GTF2E2: variants seen among roughly 807,000 people sequenced by gnomAD.
GTF2E2 encodes the protein transcription initiation factor IIE subunit beta.
GTF2E2 carries 21 observed loss-of-function variants against 40.5 expected under a neutral mutation model. That is an observed-to-expected ratio of 0.52 (90% confidence interval 0.37 to 0.75). The LOEUF is 0.75. Among genes scored for constraint, GTF2E2 ranks in the 30% least tolerant of loss-of-function variants. GTF2E2 has a pLI of 0.00. For missense variants in GTF2E2, 298 were observed against 338.4 expected (o/e 0.88, Z 0.94); for synonymous variants, 117 against 121.6 (o/e 0.96, Z 0.25).
At chr8:30,609,906 T>C (rs1346876558) in intron 5 of GTF2E2, among the ~76,000 whole-genome samples, 1 of 152,178 alleles carries the variant, frequency 6.6e-6, no homozygotes, top group Non-Finnish European at 1.5e-5. Flanking sequence ...CTGTTTCCCC[T>C]TCACCTTCTG....
chr8:30,633,719 T>G (rs1303662624), intron 3 of GTF2E2, among the ~76,000 whole-genome samples: 1 of 152,132 alleles, frequency 6.6e-6, no homozygotes, highest in Non-Finnish European at 1.5e-5. Context: ...AGGGTGGCAT[T>G]TTTTTCTGGG....
chr8:30,607,701 G>A (rs1291819247), intron 5 of GTF2E2, among the ~76,000 whole-genome samples: 3 of 152,064 alleles, frequency 2.0e-5, no homozygotes, highest in Admixed American at 2.0e-4. Context: ...CACTTAAAAC[G>A]GAAAATTCAA....
chr8:30,655,839 G>C (rs1306013221), intron 1 of GTF2E2, among the ~76,000 whole-genome samples: 1 of 151,158 alleles, frequency 6.6e-6, no homozygotes, highest in Non-Finnish European at 1.5e-5. Flanking sequence ...ACAGAGTCTC[G>C]CTCTGCCGCC....
chr8:30,622,419 C>T (rs1801133540), intron 3 of GTF2E2, among the ~76,000 whole-genome samples: 1 of 140,694 alleles, frequency 7.1e-6, no homozygotes, highest in Non-Finnish European at 1.6e-5. Context: ...TCACAGAGAT[C>T]ATGTGCTTCA....
rs562561958 is a variant in GTF2E2, at chr8:30,592,322, G to T, written c.644-11926C>A. On this transcript the variant is annotated intron_variant, in intron 6 of 7. Transcript: ENST00000355904. ...TGTGCCCAGGGAGGTCAAGGCTGCA[G>T]TGAGCTGTGATCATGCCACTGCACT... 2.4e-3 allele frequency among the ~76,000 whole-genome samples: 370 copies of T among 152,296 alleles called. 1 individual carries two copies. The highest frequency in any genetic ancestry group is 3.9e-3 in the Admixed American group (60 of 15,296).
chr8:30,633,658 CA>C (rs1801504020), intron 3 of GTF2E2, among the ~76,000 whole-genome samples: 1 of 152,114 alleles, frequency 6.6e-6, no homozygotes, highest in Non-Finnish European at 1.5e-5. Context: ...AACAGAGTAG[CA>C]AAAACATGAC....
chr8:30,601,220 T>C (rs992324574), intron 6 of GTF2E2, among the ~76,000 whole-genome samples: 1 of 152,196 alleles, frequency 6.6e-6, no homozygotes, highest in Non-Finnish European at 1.5e-5. Flanking sequence ...CTATGCTTCC[T>C]ATGCCATTCT....
chr8:30,620,286 A>G (rs893158490), intron 3 of GTF2E2, among the ~76,000 whole-genome samples: 1 of 151,904 alleles, frequency 6.6e-6, no homozygotes, highest in African/African-American at 2.4e-5. Context: ...ATACATACAC[A>G]CATTCATTCC....
chr8:30,603,815 G>A (rs951140576), intron 6 of GTF2E2, among the ~76,000 whole-genome samples: 10 of 151,926 alleles, frequency 6.6e-5, no homozygotes, highest in African/African-American at 2.2e-4. Flanking sequence ...AAAATAAGTA[G>A]TTCACAAAGA....
intron 6 of GTF2E2, among the ~76,000 whole-genome samples, chr8:30,595,847 G>C (rs1250867185): frequency 6.6e-6 from 1 of 151,318 alleles, no homozygotes; most frequent in Non-Finnish European, 1.5e-5. Context: ...AGAAAGGAAA[G>C]GAAAAGGGGA....
intron 6 of GTF2E2, among the ~76,000 whole-genome samples, chr8:30,596,372 C>T (rs751318476): frequency 6.6e-6 from 1 of 152,188 alleles, no homozygotes; most frequent in Non-Finnish European, 1.5e-5. Context: ...TCTTTGGCTA[C>T]ACCAAGTTTA....
chr8:30,644,951 T>C (rs1343877718), intron 2 of GTF2E2, among the ~76,000 whole-genome samples: 2 of 152,062 alleles, frequency 1.3e-5, no homozygotes, highest in Non-Finnish European at 2.9e-5. Flanking sequence ...GGTTTCGCCA[T>C]GTTGACCAGG....
At chr8:30,652,613 T>C (rs1017029582) in intron 2 of GTF2E2, among the ~76,000 whole-genome samples, 17 of 152,014 alleles carry the variant, frequency 1.1e-4, no homozygotes, top group Non-Finnish European at 2.5e-4. Flanking sequence ...CCTGATACAT[T>C]GCTGGAGGAA....
intron 2 of GTF2E2, chr8:30,643,806 T>C (rs1801950952): frequency 1.3e-5 from 2 of 151,226 alleles, no homozygotes; most frequent in Admixed American, 1.3e-4. Context: ...GCAAGGCTAG[T>C]AAGAAAGAAA....
In GTF2E2 at chr8:30,637,024, C is replaced by A. The variant is rs186606848; in HGVS notation, c.167-1901G>T. 6.6e-4 allele frequency: 269 copies of A among 409,994 alleles called. 1 individual carries two copies. The highest frequency in any genetic ancestry group is 1.1e-3 in the Non-Finnish European group (243 of 211,392). 25.4% of individuals were successfully genotyped at this position (409,994 alleles called of 1,614,324 possible). A position where few individuals can be genotyped will look rare whatever the true frequency, so the allele number is the denominator to read the frequency against. ...ACTATGGTAAATATTCATACGTAAT[C>A]CCTCCCAAAAAATCCAACTTAAGAA... On this transcript the variant is annotated intron_variant, in intron 2 of 7. Transcript: ENST00000355904.
intron 3 of GTF2E2, among the ~76,000 whole-genome samples, chr8:30,631,008 AAG>A (rs1801424443): frequency 6.6e-6 from 1 of 152,140 alleles, no homozygotes; most frequent in Non-Finnish European, 1.5e-5. Context: ...AAAAGATAAA[AAG>A]AAATATTTTT....
chr8:30,636,682 A>G (rs1801610867), intron 2 of GTF2E2, among the ~76,000 whole-genome samples: 1 of 152,172 alleles, frequency 6.6e-6, no homozygotes, highest in Non-Finnish European at 1.5e-5. Flanking sequence ...CCTGGCCAAC[A>G]TGGTGAAACC....
At chr8:30,617,105 A>C (rs989833535) in intron 3 of GTF2E2, among the ~76,000 whole-genome samples, 6 of 152,156 alleles carry the variant, frequency 3.9e-5, no homozygotes, top group African/African-American at 1.4e-4. Flanking sequence ...CCAAAACAAA[A>C]ATAACTCTTC....
At chr8:30,645,705 G>T in intron 2 of GTF2E2, 1 of 1,137,150 alleles carries the variant, frequency 8.8e-7, no homozygotes, top group Non-Finnish European at 1.2e-6. Flanking sequence ...TGACTGAATG[G>T]TTAAAACATT....
Sources: gnomAD v4.1 joint callset for allele counts (sites outside exome capture counted in the v4.1 genomes callset) on GRCh38, gnomAD v4.1.1 for gene constraint, MANE v1.5 for transcripts, NCBI Gene and HGNC (gene_info 2026-07-23, HGNC 2026-07-21) for gene names.